Variants in SHANK2 observed in about 807,000 individuals in gnomAD.
The protein encoded by SHANK2 is SH3 and multiple ankyrin repeat domains 2.
SHANK2 carries 43 observed loss-of-function variants against 133.7 expected under a neutral mutation model. That is an observed-to-expected ratio of 0.32 (90% CI 0.25 to 0.41). The LOEUF (loss-of-function observed/expected upper bound fraction) is 0.41. Ranked by LOEUF, SHANK2 falls within the 10% of genes least tolerant of loss-of-function variation. The pLI, the probability that SHANK2 is intolerant of heterozygous loss-of-function variation, is 1.00. For missense variants in SHANK2, 1,994 were observed against 2,235.8 expected, an observed-to-expected ratio of 0.89 and a Z score of 2.18; for synonymous variants, 1,017 against 952.8, an observed-to-expected ratio of 1.07 and a Z score of -1.24.
At chr11:70,908,034 G>A in intron 10 of SHANK2, 1 of 402,662 alleles carries the variant, frequency 2.5e-6, no homozygotes, top group East Asian at 7.5e-5. Flanking sequence ...CCGGGAAGTG[G>A]AGGTTGCAGT....
At chr11:70,820,997 A>T (rs1948508509) in intron 11 of SHANK2, among the ~76,000 whole-genome samples, 1 of 152,114 alleles carries the variant, frequency 6.6e-6, no homozygotes, top group South Asian at 2.1e-4. Context: ...TGGCTTGGGC[A>T]TGTGTAAGGA....
At chr11:70,575,798 G>A (rs1159432165) in intron 17 of SHANK2, among the ~76,000 whole-genome samples, 1 of 152,012 alleles carries the variant, frequency 6.6e-6, no homozygotes, top group African/African-American at 2.4e-5. Context: ...CGTGGTGGGT[G>A]ATGGGGTGGC....
At chr11:70,611,349 C>T (rs1554994114) in intron 17 of SHANK2, among the ~76,000 whole-genome samples, 2 of 152,112 alleles carry the variant, frequency 1.3e-5, no homozygotes, top group African/African-American at 4.8e-5. Context: ...CAGCAGCCTG[C>T]AGGGCTGTGG....
intron 6 of SHANK2, among the ~76,000 whole-genome samples, chr11:71,105,157 C>T (rs188631588): frequency 9.2e-5 from 14 of 152,260 alleles, no homozygotes; most frequent in African/African-American, 3.1e-4. Context: ...CAAAAGGAAA[C>T]GCGCTTCCAA....
intron 11 of SHANK2, among the ~76,000 whole-genome samples, chr11:70,874,045 T>C (rs1411401229): frequency 6.6e-6 from 1 of 152,194 alleles, no homozygotes; most frequent in East Asian, 1.9e-4. Context: ...TTCCTCCATC[T>C]AGCCATCTAT....
chr11:71,057,490 C>T (rs1231668386), intron 9 of SHANK2, among the ~76,000 whole-genome samples: 2 of 152,122 alleles, frequency 1.3e-5, no homozygotes, highest in Admixed American at 6.6e-5. Context: ...CACCAGTTAA[C>T]GGTATTTACT....
At position 70,569,977 on chromosome 11, in the gene SHANK2, GC is replaced by G. The variant is rs1294528869; in HGVS notation, c.2062-67047del. On this transcript the variant is annotated intron_variant, in intron 17 of 25. Coordinates refer to ENST00000601538, the MANE Select transcript of SHANK2 (RefSeq NM_012309.5). This position sits in a 1 kb window ranked among gnomAD's most constrained non-coding sequence, Gnocchi z 5.1. ...AGAAGGGAGTGAGAGACAGAGACAG[GC>G]CCCCAGCACCATTGTGGACTCCTGC... is the stretch of plus-strand genomic sequence containing the variant. Among the ~76,000 whole-genome samples the G allele has an allele frequency of 9.2e-5, 14 of 151,438 alleles. No individual in the cohort carries two copies. The highest frequency in any genetic ancestry group is 3.3e-4 in the Admixed American group (5 of 15,190).
intron 14 of SHANK2, among the ~76,000 whole-genome samples, chr11:70,736,695 C>A (rs1946411684): frequency 6.6e-6 from 1 of 152,186 alleles, no homozygotes; most frequent in Non-Finnish European, 1.5e-5. Context: ...CTGTTCTGAG[C>A]CACCCAGTTT....
At chr11:70,871,108 C>T (rs782317676) in intron 11 of SHANK2, among the ~76,000 whole-genome samples, 1 of 152,162 alleles carries the variant, frequency 6.6e-6, no homozygotes, top group Non-Finnish European at 1.5e-5. Flanking sequence ...AATATCAGTC[C>T]TACTGGATTA....
chr11:70,587,699 T>G (rs1389056066), intron 17 of SHANK2, among the ~76,000 whole-genome samples: 1 of 9,096 alleles, frequency 1.1e-4, no homozygotes, highest in African/African-American at 4.7e-4. Context: ...GCACGTCCAG[T>G]TTTTTTTTTT....
intron 17 of SHANK2, among the ~76,000 whole-genome samples, chr11:70,601,254 T>C (rs1316461488): frequency 2.0e-5 from 3 of 151,274 alleles, no homozygotes; most frequent in African/African-American, 7.3e-5. Flanking sequence ...AGAGTCTTGC[T>C]CTGTCACCAG....
At chr11:71,166,644 G>A (rs1372656201) in intron 2 of SHANK2, among the ~76,000 whole-genome samples, 1 of 151,650 alleles carries the variant, frequency 6.6e-6, no homozygotes, top group Non-Finnish European at 1.5e-5. Flanking sequence ...ACCACACCCG[G>A]CTAATTTTTG....
At chr11:71,190,830 CA>C (rs1258839918) in intron 2 of SHANK2, among the ~76,000 whole-genome samples, 1 of 152,192 alleles carries the variant, frequency 6.6e-6, no homozygotes, top group African/African-American at 2.4e-5. Context: ...TCACTTTCCC[CA>C]TCTGGAAGGT....
intron 11 of SHANK2, among the ~76,000 whole-genome samples, chr11:70,838,639 T>G (rs1948859128): frequency 6.6e-6 from 1 of 152,144 alleles, no homozygotes; most frequent in Non-Finnish European, 1.5e-5. Context: ...GACTCAATTC[T>G]ATACTCTATC....
At chr11:70,816,934 T>C (rs909038388) in intron 12 of SHANK2, among the ~76,000 whole-genome samples, 4 of 152,212 alleles carry the variant, frequency 2.6e-5, no homozygotes, top group African/African-American at 7.2e-5. Context: ...GTCACCTGAA[T>C]GTCCCTGCGC....
chr11:70,493,169 T>TG, intron 21 of SHANK2, among the ~76,000 whole-genome samples: 1 of 151,506 alleles, frequency 6.6e-6, no homozygotes, highest in Admixed American at 6.6e-5. Flanking sequence ...AAGTTTTTTT[T>TG]TTTGTTTGTT....
intron 8 of SHANK2, among the ~76,000 whole-genome samples, chr11:71,088,486 A>G (rs1437435174): frequency 2.6e-5 from 4 of 152,240 alleles, no homozygotes; most frequent in South Asian, 4.1e-4. Context: ...AAGACTCATT[A>G]TCCATTTGGC....
intron 14 of SHANK2, among the ~76,000 whole-genome samples, chr11:70,782,782 C>A (rs1591839808): frequency 6.6e-6 from 1 of 152,204 alleles, no homozygotes; most frequent in African/African-American, 2.4e-5. Flanking sequence ...AGGTGCTCGG[C>A]CTCAGAAGTA....
intron 17 of SHANK2, among the ~76,000 whole-genome samples, chr11:70,640,088 G>A (rs74427101): frequency 0.013 from 1,958 of 152,324 alleles, 40 homozygotes; most frequent in African/African-American, 0.045. Flanking sequence ...CTGGGGCCAC[G>A]CACAGCTAGT....
Sources: gnomAD v4.1 joint callset for allele counts (sites outside exome capture counted in the v4.1 genomes callset) on GRCh38, gnomAD v4.1.1 for gene constraint, Gnocchi (gnomAD v3.1) non-coding constraint, MANE v1.5 for transcripts, NCBI Gene and HGNC (gene_info 2026-07-23, HGNC 2026-07-21) for gene names.